Variants in RHOT1 observed in about 807,000 individuals in gnomAD.
The protein encoded by RHOT1 is mitochondrial Rho GTPase 1.
A neutral mutation model predicts 95.3 loss-of-function variants in RHOT1; 27 were observed. The ratio of observed to expected loss-of-function variants is 0.28; its 90% CI spans 0.21 to 0.39. The LOEUF is 0.39. Ranked by LOEUF, RHOT1 falls within the 10% of genes least tolerant of loss-of-function variation. The probability of loss-of-function intolerance (pLI) is 1.00; values close to 1 mark genes in which losing one functional copy is unlikely to be tolerated. For missense variants in RHOT1, 578 were observed against 786.7 expected (o/e 0.73, Z 3.17); for synonymous variants, 227 against 263.5 (o/e 0.86, Z 1.34).
At chr17:32,173,382 T>G (rs2034730585) in intron 2 of RHOT1, among the ~76,000 whole-genome samples, 1 of 152,152 alleles carries the variant, frequency 6.6e-6, no homozygotes, top group Admixed American at 6.5e-5. Flanking sequence ...CCTTTGAGTA[T>G]CATGTTAGTG....
rs771119028 is a variant in RHOT1, at chr17:32,208,116, A to C, written c.1546A>C (p.Met516Leu). 1 of 1,613,806 alleles carries C rather than the reference A, an allele frequency of 6.2e-7. No individual in the cohort carries two copies. Among genetic ancestry groups the C allele is most frequent in the East Asian group, 2.2e-5 (1 of 44,870 alleles). ...ATTTTTTATTCCATAGCAACACTTT[A>C]TGGACAGCAGAATACCTTGCTTAAT... ...YCARIFKQHFMDSRIPCLIVA... is the reference protein window; with the variant it reads ...YCARIFKQHFLDSRIPCLIVA... Residue 516 changes from methionine to leucine, a missense_variant, in exon 18 of 20, where the codon ATG (methionine) becomes CTG (leucine). Met to Leu is a conservative substitution (Grantham distance 15, BLOSUM62 2). Transcript: ENST00000545287.
At chr17:32,177,880 A>G (rs1415025995) in intron 6 of RHOT1, among the ~76,000 whole-genome samples, 4 of 145,088 alleles carry the variant, frequency 2.8e-5, no homozygotes, top group Non-Finnish European at 6.0e-5. Flanking sequence ...GCTGGAGTGC[A>G]GTGGTGCGAT....
intron 19 of RHOT1, among the ~76,000 whole-genome samples, chr17:32,224,334 C>G (rs1263788126): frequency 2.0e-5 from 3 of 152,164 alleles, no homozygotes; most frequent in Admixed American, 2.0e-4. Flanking sequence ...ATTTGTCTAA[C>G]TTCTTTATTT....
intron 19 of RHOT1, among the ~76,000 whole-genome samples, chr17:32,223,653 G>T (rs1241849197): frequency 6.6e-6 from 1 of 151,072 alleles, no homozygotes. Flanking sequence ...GACCTCAGGT[G>T]ATCCACCCGC....
At chr17:32,206,441 CTTTTTTTT>C (rs34176535) in intron 16 of RHOT1, among the ~76,000 whole-genome samples, 5 of 67,008 alleles carry the variant, frequency 7.5e-5, no homozygotes, top group African/African-American at 2.5e-4. Flanking sequence ...TCTATACTTT[CTTTTTTTT>C]TTTTTTTTTT....
chr17:32,157,005 C>T (rs1047242373), intron 1 of RHOT1, among the ~76,000 whole-genome samples: 7 of 152,312 alleles, frequency 4.6e-5, no homozygotes, highest in African/African-American at 4.8e-5. Context: ...AGAAGCACAG[C>T]TAGTAAGTGC....
In RHOT1 at chr17:32,200,959, C is replaced by T. The variant is rs767800498; in HGVS notation, c.1104C>T (p.Leu368=). The T allele has an allele frequency of 3.7e-6, 6 of 1,607,244 alleles. No individual in the cohort carries two copies. The Admixed American group carries it at 8.4e-5, about 22-fold the overall frequency. Residue 368 remains leucine (L), a synonymous_variant, in exon 14 of 20, where the codon CTC becomes CTT. Coordinates refer to ENST00000545287, the MANE Select transcript of RHOT1 (RefSeq NM_001033566.3). ...TTTAAACTCTTTTCTTTCATAGGCTCACGACTTATTTAGATGTACAGCGGT... is the reference window on the plus strand; with the variant it reads ...TTTAAACTCTTTTCTTTCATAGGCTTACGACTTATTTAGATGTACAGCGGT... ...TYQGFLSQWT[L]TTYLDVQRCL... is the part of the protein sequence containing the mutation.
chr17:32,188,783 T>A (rs1018320793), intron 8 of RHOT1, among the ~76,000 whole-genome samples: 1 of 152,258 alleles, frequency 6.6e-6, no homozygotes, highest in Non-Finnish European at 1.5e-5. Context: ...TGATTTTGCC[T>A]GTTGGCCCCA....
intron 1 of RHOT1, among the ~76,000 whole-genome samples, chr17:32,149,589 T>TTATA (rs1567648819): frequency 1.8e-5 from 1 of 54,440 alleles, no homozygotes; most frequent in Non-Finnish European, 3.4e-5. Context: ...AGCCCAGCAG[T>TTATA]TCTATATATA....
intron 18 of RHOT1, among the ~76,000 whole-genome samples, chr17:32,210,492 C>A (rs537249330): frequency 6.6e-6 from 1 of 152,262 alleles, no homozygotes; most frequent in East Asian, 1.9e-4. Flanking sequence ...GTTTGGGTAG[C>A]AGATGAAATC....
At chr17:32,145,293 CTG>C in intron 1 of RHOT1, among the ~76,000 whole-genome samples, 1 of 152,158 alleles carries the variant, frequency 6.6e-6, no homozygotes, top group East Asian at 1.9e-4. Flanking sequence ...GAGTGAGACT[CTG>C]TCTCAAAAAA....
chr17:32,163,953 G>A (rs1221889510), intron 1 of RHOT1, among the ~76,000 whole-genome samples: 8 of 151,748 alleles, frequency 5.3e-5, no homozygotes, highest in Non-Finnish European at 8.8e-5. Flanking sequence ...TCAAGAGATC[G>A]AGACCATCCT....
chr17:32,149,617 A>ATGTGTGTGTGTGTGTG (rs1290539388), intron 1 of RHOT1, among the ~76,000 whole-genome samples: 3 of 83,662 alleles, frequency 3.6e-5, no homozygotes, highest in African/African-American at 1.9e-4. Context: ...ATATATATAT[A>ATGTGTGTGTGTGTGTG]TATATATATA....
intron 9 of RHOT1, among the ~76,000 whole-genome samples, chr17:32,192,803 C>CTAGG (rs1446144728): frequency 6.6e-6 from 1 of 151,892 alleles, no homozygotes; most frequent in Non-Finnish European, 1.5e-5. Context: ...TCCCAAGTAG[C>CTAGG]TAGGACTACA....
At chr17:32,145,395 A>T (rs554924490) in intron 1 of RHOT1, among the ~76,000 whole-genome samples, 2 of 152,280 alleles carry the variant, frequency 1.3e-5, no homozygotes, top group Non-Finnish European at 2.9e-5. Flanking sequence ...TTTGTTTTCT[A>T]CTAGTTAAGT....
intron 18 of RHOT1, chr17:32,209,101 AAC>A (rs1436620614): frequency 4.3e-6 from 1 of 232,110 alleles, no homozygotes; most frequent in Non-Finnish European, 8.3e-6. Context: ...ACTACAGTGT[AAC>A]ACAGAGTAAT....
At chr17:32,184,790 C>T (rs1156311232) in intron 8 of RHOT1, among the ~76,000 whole-genome samples, 1 of 152,170 alleles carries the variant, frequency 6.6e-6, no homozygotes, top group Non-Finnish European at 1.5e-5. Context: ...AGGTGTGAGC[C>T]ACCGCACCTG....
chr17:32,189,928 A>G (rs1488309433), intron 8 of RHOT1, among the ~76,000 whole-genome samples: 1 of 151,662 alleles, frequency 6.6e-6, no homozygotes, highest in East Asian at 1.9e-4. Context: ...AGATGGGGCT[A>G]GCCTGGTCTC....
rs565148082 is a variant in RHOT1, at chr17:32,215,892, G to A, written c.1862+4654G>A. On this transcript the variant is annotated intron_variant, in intron 19 of 19. Coordinates refer to ENST00000545287, the MANE Select transcript of RHOT1 (RefSeq NM_001033566.3). ...TATGTTTTACTTTAGACTAATTTAT[G>A]AATAACTGGAATTATTTGAATTTGA... 4.0e-5 allele frequency among the ~76,000 whole-genome samples: 6 copies of A among 148,838 alleles called. 1 individual carries two copies. The highest frequency in any genetic ancestry group is 1.6e-4 in the African/African-American group (6 of 38,410).
Sources: gnomAD v4.1 joint callset for allele counts (sites outside exome capture counted in the v4.1 genomes callset) on GRCh38, gnomAD v4.1.1 for gene constraint, MANE v1.5 for transcripts, NCBI Gene and HGNC (gene_info 2026-07-23, HGNC 2026-07-21) for gene names.